The following AGR2 variants were observed in gnomAD, a reference collection of about 807,000 sequenced individuals.
AGR2 encodes anterior gradient 2, protein disulphide isomerase family member.
In AGR2, 27 loss-of-function variants were observed where a neutral mutation model predicts 25.9. The ratio of observed to expected loss-of-function variants is 1.04; its 90% CI spans 0.77 to 1.44. The LOEUF (loss-of-function observed/expected upper bound fraction) is 1.44, where lower values mean the gene tolerates loss of function less well. AGR2 is among the 40% of genes most tolerant of loss of function. The pLI is 0.00. For synonymous variants in AGR2, 78 were observed against 72.0 expected, an observed-to-expected ratio of 1.08 and a Z score of -0.42; for missense variants, 182 against 200.9, an observed-to-expected ratio of 0.91 and a Z score of 0.57.
chr7:16,798,350 G>C (rs1470999880), intron 5 of AGR2, among the ~76,000 whole-genome samples: 1 of 152,186 alleles, frequency 6.6e-6, no homozygotes, highest in Non-Finnish European at 1.5e-5. Context: ...CATGCAGGGG[G>C]AAGAGTATGG....
intron 6 of AGR2, among the ~76,000 whole-genome samples, chr7:16,795,975 C>T (rs889092407): frequency 7.2e-5 from 11 of 152,322 alleles, no homozygotes; most frequent in South Asian, 6.2e-4. Context: ...TACAAAGACA[C>T]GGTCTAATCT....
intron 5 of AGR2, among the ~76,000 whole-genome samples, chr7:16,798,478 G>C (rs957095754): frequency 6.6e-6 from 1 of 152,132 alleles, no homozygotes; most frequent in Non-Finnish European, 1.5e-5. Flanking sequence ...GCCGGCTTAG[G>C]AATGACTTTG....
At chr7:16,804,370 C>A (rs181293808) in intron 1 of AGR2, among the ~76,000 whole-genome samples, 1 of 151,976 alleles carries the variant, frequency 6.6e-6, no homozygotes, top group African/African-American at 2.4e-5. Flanking sequence ...AATGAACTTG[C>A]AAGACATTTT....
intron 5 of AGR2, among the ~76,000 whole-genome samples, chr7:16,798,312 G>A (rs1232458702): frequency 6.6e-6 from 1 of 152,176 alleles, no homozygotes. Context: ...ATGAACAGGA[G>A]TCAGTTAGGT....
chr7:16,794,649 T>C (rs1435206786), intron 7 of AGR2: 1 of 632,176 alleles, frequency 1.6e-6, no homozygotes. Context: ...TGTGCTCGTG[T>C]ACCTAACAGA....
chr7:16,794,425 GTCTC>G (rs35771196), intron 7 of AGR2, among the ~76,000 whole-genome samples: 130 of 151,286 alleles, frequency 8.6e-4, no homozygotes, highest in African/African-American at 2.9e-3. Context: ...TTAAGTCAGT[GTCTC>G]TCTCTCTCTC....
At chr7:16,796,991 G>T (rs532942039) in intron 6 of AGR2, among the ~76,000 whole-genome samples, 1 of 151,624 alleles carries the variant, frequency 6.6e-6, no homozygotes, top group African/African-American at 2.4e-5. Context: ...GTGCCATCTC[G>T]GCTCACTGCA....
intron 1 of AGR2, among the ~76,000 whole-genome samples, chr7:16,804,699 A>G (rs3817507): frequency 0.17 from 25,469 of 152,070 alleles, 2,309 homozygotes; most frequent in South Asian, 0.27. Context: ...GTTTCGCAAA[A>G]GAGAAAGCAT....
In AGR2 at chr7:16,801,314, CT is replaced by C; in HGVS notation, c.203+5del. The C allele has an allele frequency of 6.2e-7, 1 of 1,613,632 alleles. No individual in the cohort carries two copies. The highest frequency in any genetic ancestry group is 8.5e-7 in the Non-Finnish European group (1 of 1,179,738). ...TGAGGGAGCTCTGAGTAATCCTGAT[CT>C]TTACCTTGTCTTGGATTTATATAGA... On this transcript the variant is annotated splice_donor_5th_base_variant and intron_variant, in intron 3 of 7. Coordinates refer to ENST00000419304, the MANE Select transcript of AGR2 (RefSeq NM_006408.4).
chr7:16,799,365 G>A (rs1210134287), intron 5 of AGR2, among the ~76,000 whole-genome samples: 1 of 152,150 alleles, frequency 6.6e-6, no homozygotes, highest in East Asian at 1.9e-4. Context: ...TAAAGCACAA[G>A]AGGCATGATT....
At chr7:16,797,845 G>A (rs1337275126) in intron 5 of AGR2, 151 bp from the exon 6 acceptor site, 2 of 608,566 alleles carry the variant, frequency 3.3e-6, no homozygotes, top group Non-Finnish European at 5.7e-6. Context: ...GAGGAGACAA[G>A]TTACAAGCAT....
chr7:16,799,668 G>A, intron 5 of AGR2, 76 bp downstream of exon 5: 1 of 1,055,878 alleles, frequency 9.5e-7, no homozygotes, highest in South Asian at 1.4e-5. Flanking sequence ...TAACTAAGAT[G>A]TATAGGAAAA....
intron 1 of AGR2, among the ~76,000 whole-genome samples, chr7:16,803,489 G>A (rs1384536959): frequency 2.6e-5 from 4 of 152,112 alleles, no homozygotes; most frequent in Non-Finnish European, 5.9e-5. Context: ...TATCTTGAGT[G>A]GAAACCTTTG....
intron 1 of AGR2, among the ~76,000 whole-genome samples, chr7:16,803,900 A>C (rs1651088806): frequency 6.6e-6 from 1 of 152,202 alleles, no homozygotes; most frequent in African/African-American, 2.4e-5. Context: ...ATTTGATTTT[A>C]TCTTTTATTT....
chr7:16,796,473 T>C (rs1341301085), intron 6 of AGR2, among the ~76,000 whole-genome samples: 4 of 152,258 alleles, frequency 2.6e-5, no homozygotes, highest in Non-Finnish European at 4.4e-5. Flanking sequence ...AAACTTTTAA[T>C]GAATTACACA....
At chr7:16,804,280 A>G (rs1785198069) in intron 1 of AGR2, among the ~76,000 whole-genome samples, 1 of 120,526 alleles carries the variant, frequency 8.3e-6, no homozygotes, top group Non-Finnish European at 1.9e-5. Context: ...ACACACACAC[A>G]CACACACACA....
intron 5 of AGR2, among the ~76,000 whole-genome samples, chr7:16,798,205 C>T (rs1184783304): frequency 6.6e-6 from 1 of 152,168 alleles, no homozygotes; most frequent in African/African-American, 2.4e-5. Flanking sequence ...GTAGGATATG[C>T]AGGTTTGGTG....
chr7:16,802,266 A>G (rs1050815676), intron 1 of AGR2, among the ~76,000 whole-genome samples: 29 of 152,192 alleles, frequency 1.9e-4, no homozygotes, highest in Non-Finnish European at 8.8e-5. Context: ...TTTCAACTTT[A>G]TCATAGATAT....
chr7:16,801,934 C>T (rs964693661), intron 1 of AGR2, 131 bp from the exon 2 acceptor site: 11 of 664,940 alleles, frequency 1.7e-5, no homozygotes, highest in East Asian at 5.5e-5. Context: ...ACGAGATTGG[C>T]GTAAATAGCT....
Sources: allele counts gnomAD v4.1 joint callset (sites outside exome capture counted in the v4.1 genomes callset), GRCh38; gene constraint gnomAD v4.1.1; transcripts MANE v1.5; gene names NCBI Gene and HGNC (gene_info 2026-07-23, HGNC 2026-07-21).